HIF3A: variants seen among roughly 807,000 people sequenced by gnomAD.
HIF3A encodes hypoxia inducible factor 3 subunit alpha.
A neutral mutation model predicts 67.2 loss-of-function variants in HIF3A; 41 were observed. The ratio of observed to expected loss-of-function variants is 0.61; its 90% CI spans 0.48 to 0.79. The LOEUF is 0.79. HIF3A is among the 30% of genes least tolerant of loss of function. The pLI is 0.00. For synonymous variants in HIF3A, 356 were observed against 374.8 expected (o/e 0.95, Z 0.58); for missense variants, 855 against 898.0 (o/e 0.95, Z 0.61).
chr19:46,304,621 C>G (rs1288819456), intron 2 of HIF3A, among the ~76,000 whole-genome samples: 1 of 152,030 alleles, frequency 6.6e-6, no homozygotes, highest in African/African-American at 2.4e-5. Context: ...TTGCCACGCA[C>G]GTGCACGCGC....
chr19:46,298,211 C>T (rs1387209355), intron 1 of HIF3A: 2 of 335,062 alleles, frequency 6.0e-6, no homozygotes, highest in Non-Finnish European at 1.2e-5. Flanking sequence ...TCTAACCGCC[C>T]CCATCCTCTC....
rs1035734206 is a variant in HIF3A at position 46,303,922 on chromosome 19, A to G, written c.51A>G (p.Glu17=). ...GGTCGACCACGGAGCTGCGCAAGGAAAAGTCCCGGGATGCGGCCCGCAGCC... is the reference window on the plus strand; with the variant it reads ...GGTCGACCACGGAGCTGCGCAAGGAGAAGTCCCGGGATGCGGCCCGCAGCC... ...RARSTTELRK[E]KSRDAARSRR... Residue 17 remains glutamate (E), a synonymous_variant, in exon 2 of 15, where the codon GAA becomes GAG. Coordinates refer to ENST00000377670, the MANE Select transcript of HIF3A (RefSeq NM_152795.4). 24 of 1,608,850 alleles carry G rather than the reference A, an allele frequency of 1.5e-5. No homozygotes were observed. In the South Asian group the frequency reaches 2.2e-4, roughly 15 times the overall value.
At position 46,314,665 on chromosome 19, in the gene HIF3A, C is replaced by A. The variant is rs1044759326; in HGVS notation, c.1025+2012C>A. ...TTCCGCCTCCCGGGTTCAAGCAATTCTTCTGCTTCAGCCTCCTGAGTAGCT... is the reference window on the plus strand; with the variant it reads ...TTCCGCCTCCCGGGTTCAAGCAATTATTCTGCTTCAGCCTCCTGAGTAGCT... On this transcript the variant is annotated intron_variant, in intron 8 of 14. Transcript: ENST00000377670. 1.4e-5 allele frequency among the ~76,000 whole-genome samples: 2 copies of A among 146,918 alleles called. 1 individual carries two copies. Among genetic ancestry groups the A allele is most frequent in the Non-Finnish European group, 3.0e-5 (2 of 67,006 alleles).
intron 8 of HIF3A, among the ~76,000 whole-genome samples, chr19:46,314,627 G>A (rs1297512842): frequency 1.4e-5 from 2 of 146,298 alleles, no homozygotes; most frequent in Admixed American, 7.3e-5. Flanking sequence ...GCACGATCTC[G>A]GCTCACTTCA....
chr19:46,305,561 T>C (rs1054827897), intron 3 of HIF3A, among the ~76,000 whole-genome samples, 171 bp downstream of exon 3: 3 of 152,012 alleles, frequency 2.0e-5, no homozygotes, highest in African/African-American at 2.4e-5. Context: ...TGGGACAGTC[T>C]AGGGGGCTGT....
chr19:46,316,528 C>T (rs898390295), intron 8 of HIF3A, among the ~76,000 whole-genome samples: 12 of 151,476 alleles, frequency 7.9e-5, no homozygotes, highest in Admixed American at 2.0e-4. Flanking sequence ...TTCGGTCGTG[C>T]GCAGTGGCTC....
At chr19:46,305,157 A>AAGGCAGAGGGAGGCTAGCCC in intron 2 of HIF3A, 88 bp from the exon 3 acceptor site, 1 of 1,585,212 alleles carries the variant, frequency 6.3e-7, no homozygotes, top group South Asian at 1.1e-5. Flanking sequence ...TGAATGAGGA[A>AAGGCAGAGGGAGGCTAGCCC]AGGCAGAGGG....
Position 46,297,114 on chromosome 19 carries a change from CG to C in HIF3A, c.26+17del. 4.0e-6 allele frequency: 5 copies of C among 1,251,998 alleles called. No individual in the cohort carries two copies. Among genetic ancestry groups the C allele is most frequent in the Non-Finnish European group, 4.1e-6 (4 of 985,856 alleles). The allele number at this position is 1,251,998 out of a possible 1,614,324, so 77.6% of individuals were successfully genotyped here. ...CTGCAGCGCGCAAGGTACTGAAGTT[CG>C]GGGGCAGGAGTTCTGGGAATTGGGG... On this transcript the variant is annotated intron_variant, in intron 1 of 14. Transcript: ENST00000377670. This position sits in a 1 kb window ranked among gnomAD's most constrained non-coding sequence, Gnocchi z 4.5.
chr19:46,329,534 C>T, intron 12 of HIF3A, 56 bp downstream of exon 12: 1 of 1,443,344 alleles, frequency 6.9e-7, no homozygotes, highest in Non-Finnish European at 9.1e-7. Flanking sequence ...CCGTCTTGCC[C>T]CTGCCTCCTG....
At chr19:46,312,116 C>T (rs36063219) in intron 6 of HIF3A, 45 bp from the exon 7 acceptor site, 23,360 of 1,414,754 alleles carry the variant, frequency 0.017, 245 homozygotes, top group Middle Eastern at 0.022. Flanking sequence ...CCCTCTCTCT[C>T]ACCCAGTAGC....
At chr19:46,308,803 G>T in intron 5 of HIF3A, 28 bp downstream of exon 5, 1 of 1,409,358 alleles carries the variant, frequency 7.1e-7, no homozygotes, top group East Asian at 2.4e-5. Flanking sequence ...AGAGGAGGGC[G>T]GGGACGCTGG....
chr19:46,342,617 A>G lies in HIF3A; in HGVS notation c.*2995A>G, dbSNP rs994061217. 6.6e-6 allele frequency: 1 copy of G among 152,030 alleles called. No individual in the cohort carries two copies. Among genetic ancestry groups the G allele is most frequent in the Admixed American group, 6.6e-5 (1 of 15,266 alleles). The allele number at this position is 152,030 out of a possible 1,614,324, so 9.4% of individuals were successfully genotyped here. A position where few individuals can be genotyped will look rare whatever the true frequency, so the allele number is the denominator to read the frequency against. On this transcript the variant is annotated 3_prime_UTR_variant, in exon 15 of 15. Transcript: ENST00000377670. ...AGCTTCCAACTGCCTTTGATTTCAG[A>G]TCCAAATTCCTCTGATTCTATAATT...
At position 46,327,769 on chromosome 19, in the gene HIF3A, C is replaced by A. The variant is rs141190797; in HGVS notation, c.1441-1438C>A. 8.8e-3 allele frequency among the ~76,000 whole-genome samples: 1,342 copies of A among 152,238 alleles called. 22 individuals carry two copies. The highest frequency in any genetic ancestry group is 9.8e-3 in the Non-Finnish European group (665 of 68,026). On this transcript the variant is annotated intron_variant, in intron 11 of 14. Transcript: ENST00000377670. ...TAATTTGCTAGAAGTGTTCATGGTA[C>A]TCAGAAAGTGCTATACTTAAGATTG...
At chr19:46,304,578 C>A (rs1601203080) in intron 2 of HIF3A, among the ~76,000 whole-genome samples, 1 of 152,012 alleles carries the variant, frequency 6.6e-6, no homozygotes, top group Non-Finnish European at 1.5e-5. Context: ...CCTTGAATTT[C>A]TACCCAGTTA....
Position 46,339,980 on chromosome 19 carries a change from T to C in HIF3A, c.*358T>C. 4.4e-6 allele frequency: 1 copy of C among 228,582 alleles called. No homozygotes were observed. Among genetic ancestry groups the C allele is most frequent in the Non-Finnish European group, 8.5e-6 (1 of 118,282 alleles). 14.2% of individuals were successfully genotyped at this position (228,582 alleles called of 1,614,324 possible). ...TGAGGAGGGTTGGGGGGGTCATATC[T>C]GTGTTTCCAGGTTCTGGGGAGAACA... On this transcript the variant is annotated 3_prime_UTR_variant, in exon 15 of 15. Coordinates refer to ENST00000377670, the MANE Select transcript of HIF3A (RefSeq NM_152795.4).
chr19:46,328,923 A>G (rs902916532), intron 11 of HIF3A, among the ~76,000 whole-genome samples: 8 of 151,850 alleles, frequency 5.3e-5, no homozygotes, highest in African/African-American at 9.7e-5. Flanking sequence ...GGGTCTCACT[A>G]TGTTACCCAG....
intron 13 of HIF3A, among the ~76,000 whole-genome samples, chr19:46,334,628 A>C (rs936712638): frequency 6.6e-6 from 1 of 151,958 alleles, no homozygotes; most frequent in Admixed American, 6.6e-5. Flanking sequence ...GCTCACTGCA[A>C]CCTCAGCCTC....
At position 46,331,256 on chromosome 19, in the gene HIF3A, C is replaced by T; in HGVS notation, c.1813C>T (p.Leu605Phe). The change falls in exon 13 of 15, where the codon CTC becomes TTC. Residue 605 changes from leucine to phenylalanine, a missense_variant. Physicochemically the swap from Leu to Phe is conservative, Grantham distance 22 (BLOSUM62 0). This residue lies in a region of HIF3A where 199 missense variants were observed against 193.8 expected (regional missense o/e 1.03). Coordinates refer to ENST00000377670, the MANE Select transcript of HIF3A (RefSeq NM_152795.4). ...SPSPEHENFL[L>F]FPLSLSFLLT... ...CAGCCCAGAACACGAAAACTTTCTGCTCTTTCCTCTCAGCCTGGTGTGTTG... is the reference window on the plus strand; with the variant it reads ...CAGCCCAGAACACGAAAACTTTCTGTTCTTTCCTCTCAGCCTGGTGTGTTG... 5.0e-6 allele frequency: 8 copies of T among 1,613,584 alleles called. No individual in the cohort carries two copies. Among genetic ancestry groups the T allele is most frequent in the Non-Finnish European group, 6.8e-6 (8 of 1,179,576 alleles).
At chr19:46,328,425 T>C (rs73940676) in intron 11 of HIF3A, among the ~76,000 whole-genome samples, 4,223 of 152,326 alleles carry the variant, frequency 0.028, 188 homozygotes, top group African/African-American at 0.095. Flanking sequence ...TTTCTTCCTT[T>C]AGGAGAAATA....
Sources: gnomAD v4.1 joint callset for allele counts (sites outside exome capture counted in the v4.1 genomes callset) on GRCh38, gnomAD v4.1.1 for gene constraint, gnomAD v4.1.1 regional missense constraint, Gnocchi (gnomAD v3.1) non-coding constraint, MANE v1.5 for transcripts, NCBI Gene and HGNC (gene_info 2026-07-23, HGNC 2026-07-21) for gene names.